The following CNTNAP4 variants were observed in gnomAD, a reference collection of about 807,000 sequenced individuals.
CNTNAP4 encodes the protein contactin associated protein family member 4, also known as contactin-associated protein-like 4.
Under a neutral mutation model 148.4 loss-of-function variants are expected in CNTNAP4, and 98 were observed. That is an observed-to-expected ratio of 0.66 (90% CI 0.56 to 0.78). The LOEUF is 0.78. Among genes scored for constraint, CNTNAP4 ranks in the 30% least tolerant of loss-of-function variants. The pLI, the probability that CNTNAP4 is intolerant of heterozygous loss-of-function variation, is 0.00. For synonymous variants in CNTNAP4, 730 were observed against 565.1 expected, an observed-to-expected ratio of 1.29 and a Z score of -4.14; for missense variants, 1,935 against 1,565.6, an observed-to-expected ratio of 1.24 and a Z score of -3.98.
chr16:76,419,146 T>C (rs4597351), intron 3 of CNTNAP4, among the ~76,000 whole-genome samples: 1 of 151,788 alleles, frequency 6.6e-6, no homozygotes, highest in East Asian at 1.9e-4. Context: ...TCTGGTGGTA[T>C]AGCTTTTTTC....
chr16:76,541,209 A>G lies in CNTNAP4; in HGVS notation c.3442+419A>G, dbSNP rs185061111. ...AATGCAATTACTTTTTCTTCTAGTT[A>G]GTTAATATGTTTCAGGTTATGACTT... On this transcript the variant is annotated intron_variant, in intron 21 of 23. Coordinates refer to ENST00000611870, the MANE Select transcript of CNTNAP4 (RefSeq NM_033401.5). Among the ~76,000 whole-genome samples, 726 of 152,362 alleles carry G rather than the reference A, an allele frequency of 4.8e-3. 6 individuals carry two copies. The highest frequency in any genetic ancestry group is 0.017 in the African/African-American group (705 of 41,586).
chr16:76,544,210 C>CTT (rs200437303), intron 21 of CNTNAP4, among the ~76,000 whole-genome samples: 99 of 143,026 alleles, frequency 6.9e-4, no homozygotes, highest in African/African-American at 2.3e-3. Context: ...TAAACATTGC[C>CTT]TTTTTTTTTT....
At chr16:76,370,859 G>T (rs2014730340) in intron 3 of CNTNAP4, among the ~76,000 whole-genome samples, 1 of 152,106 alleles carries the variant, frequency 6.6e-6, no homozygotes, top group African/African-American at 2.4e-5. Flanking sequence ...TGAGGAAATT[G>T]AGATTTAAGA....
At chr16:76,491,231 C>A (rs1172475845) in intron 13 of CNTNAP4, among the ~76,000 whole-genome samples, 1 of 152,152 alleles carries the variant, frequency 6.6e-6, no homozygotes, top group Non-Finnish European at 1.5e-5. Flanking sequence ...ACCAAACTTA[C>A]CTCCTCCTGG....
At chr16:76,340,118 C>A (rs999141654) in intron 2 of CNTNAP4, among the ~76,000 whole-genome samples, 1 of 152,054 alleles carries the variant, frequency 6.6e-6, no homozygotes, top group Admixed American at 6.5e-5. Flanking sequence ...AAGAGGATGC[C>A]TTTTGCTACC....
chr16:76,367,145 G>C (rs1417706243), intron 3 of CNTNAP4, among the ~76,000 whole-genome samples: 1 of 151,594 alleles, frequency 6.6e-6, no homozygotes, highest in African/African-American at 2.4e-5. Context: ...ATACATTTAG[G>C]GATTTGCATA....
chr16:76,333,244 G>A (rs1182995625), intron 2 of CNTNAP4, among the ~76,000 whole-genome samples: 1 of 152,092 alleles, frequency 6.6e-6, no homozygotes, highest in Non-Finnish European at 1.5e-5. Flanking sequence ...GGACCTTAGA[G>A]CTATCATTAA....
Position 76,372,089 on chromosome 16 carries a change from A to G in CNTNAP4, c.390+16578A>G, listed in dbSNP as rs75707964. Among the ~76,000 whole-genome samples, 367 of 147,324 alleles carry G rather than the reference A, an allele frequency of 2.5e-3. 12 individuals carry two copies. The East Asian group carries it at 0.059, about 24-fold the overall frequency. On this transcript the variant is annotated intron_variant, in intron 3 of 23. Transcript: ENST00000611870. ...CAATTCACCCATCTATTTTTGTTCT[A>G]TTTCATTCTACTTATATGTTGGCTG...
intron 1 of CNTNAP4, among the ~76,000 whole-genome samples, chr16:76,307,082 G>A (rs1351388158): frequency 2.0e-5 from 3 of 152,020 alleles, no homozygotes; most frequent in Non-Finnish European, 4.4e-5. Context: ...AATAACAAAA[G>A]TACTTCATTG....
intron 17 of CNTNAP4, among the ~76,000 whole-genome samples, chr16:76,525,420 C>T (rs1322751440): frequency 6.7e-6 from 1 of 148,360 alleles, no homozygotes; most frequent in Admixed American, 6.7e-5. Flanking sequence ...GTCTATCCAT[C>T]TATCTAGAAA....
chr16:76,385,530 T>C (rs2016434489), intron 3 of CNTNAP4, among the ~76,000 whole-genome samples: 1 of 147,864 alleles, frequency 6.8e-6, no homozygotes, highest in Admixed American at 6.9e-5. Flanking sequence ...TATACAAAAA[T>C]TAACACTTTA....
chr16:76,420,319 T>C (rs142008297), intron 3 of CNTNAP4, among the ~76,000 whole-genome samples: 39 of 151,682 alleles, frequency 2.6e-4, no homozygotes, highest in Admixed American at 2.6e-3. Flanking sequence ...TGCTGCTATT[T>C]TATTATTTTT....
chr16:76,469,562 TG>T (rs2081295018), intron 10 of CNTNAP4: 1 of 152,226 alleles, frequency 6.6e-6, no homozygotes. Flanking sequence ...AACATTCATT[TG>T]GTACAAGTAT....
chr16:76,375,231 G>C (rs190432737), intron 3 of CNTNAP4, among the ~76,000 whole-genome samples: 8 of 152,168 alleles, frequency 5.3e-5, no homozygotes, highest in African/African-American at 1.9e-4. Flanking sequence ...AGACCAGCCT[G>C]GTTAACATGG....
intron 1 of CNTNAP4, among the ~76,000 whole-genome samples, chr16:76,286,913 A>G (rs929890847): frequency 6.6e-6 from 1 of 152,176 alleles, no homozygotes; most frequent in African/African-American, 2.4e-5. Context: ...TTCTATCTAA[A>G]TTGGTGATGA....
At chr16:76,296,860 A>G (rs906490753) in intron 1 of CNTNAP4, among the ~76,000 whole-genome samples, 8 of 152,194 alleles carry the variant, frequency 5.3e-5, no homozygotes, top group Non-Finnish European at 1.2e-4. Flanking sequence ...GAGAGCTTTA[A>G]TTCTCCAGTG....
chr16:76,299,815 A>G (rs1448395190), intron 1 of CNTNAP4, among the ~76,000 whole-genome samples: 2 of 152,256 alleles, frequency 1.3e-5, no homozygotes, highest in Non-Finnish European at 2.9e-5. Context: ...CTATGCAGCC[A>G]TAAAAAATGA....
At chr16:76,542,553 A>G (rs574166177) in intron 21 of CNTNAP4, among the ~76,000 whole-genome samples, 1 of 152,218 alleles carries the variant, frequency 6.6e-6, no homozygotes, top group African/African-American at 2.4e-5. Context: ...GGTGGCTGGG[A>G]AAGGGATGAG....
chr16:76,296,878 T>C (rs1416598009), intron 1 of CNTNAP4, among the ~76,000 whole-genome samples: 1 of 152,126 alleles, frequency 6.6e-6, no homozygotes, highest in Non-Finnish European at 1.5e-5. Context: ...GTGTGTTCTG[T>C]AGCATTAAAT....
Sources: allele counts gnomAD v4.1 joint callset (sites outside exome capture counted in the v4.1 genomes callset), GRCh38; gene constraint gnomAD v4.1.1; transcripts MANE v1.5; gene names NCBI Gene and HGNC (gene_info 2026-07-23, HGNC 2026-07-21).